The following EXT1 variants were observed in gnomAD, a reference collection of about 807,000 sequenced individuals.
The protein encoded by EXT1 is exostosin glycosyltransferase 1.
A neutral mutation model predicts 82.5 loss-of-function variants in EXT1; 20 were observed. The observed-to-expected ratio is 0.24, with a 90% CI of 0.17 to 0.35. The LOEUF is 0.35. Ranked by LOEUF, EXT1 falls within the 10% of genes least tolerant of loss-of-function variation. EXT1 has a pLI of 1.00. For synonymous variants in EXT1, 348 were observed against 350.8 expected (o/e 0.99, Z 0.09); for missense variants, 757 against 936.5 (o/e 0.81, Z 2.50).
chr8:118,072,982 T>C (rs963559948), intron 1 of EXT1, among the ~76,000 whole-genome samples: 7 of 152,078 alleles, frequency 4.6e-5, no homozygotes, highest in African/African-American at 1.4e-4. Flanking sequence ...ATTACCAAAT[T>C]TGAAAGAAGC....
intron 1 of EXT1, among the ~76,000 whole-genome samples, chr8:118,016,162 T>C (rs6469719): frequency 0.12 from 17,710 of 152,154 alleles, 3,470 homozygotes; most frequent in African/African-American, 0.4. Context: ...GAAGCCGAGG[T>C]GGGCAGATCA....
At chr8:117,996,967 T>C (rs1815550373) in intron 1 of EXT1, among the ~76,000 whole-genome samples, 1 of 152,212 alleles carries the variant, frequency 6.6e-6, no homozygotes, top group African/African-American at 2.4e-5. Flanking sequence ...AACACTTCTC[T>C]ATAATGTTAC....
At chr8:118,073,587 T>TCC (rs1312448699) in intron 1 of EXT1, among the ~76,000 whole-genome samples, 1 of 149,960 alleles carries the variant, frequency 6.7e-6, no homozygotes, top group East Asian at 2.0e-4. Flanking sequence ...GCCACTGCAC[T>TCC]CCAGCCTGGG....
chr8:117,981,698 C>T (rs1377610779), intron 1 of EXT1, among the ~76,000 whole-genome samples: 1 of 151,404 alleles, frequency 6.6e-6, no homozygotes, highest in African/African-American at 2.4e-5. Context: ...GGCGAAACCC[C>T]AGTTCTACTA....
intron 1 of EXT1, among the ~76,000 whole-genome samples, chr8:117,953,069 C>T (rs948663979): frequency 1.3e-5 from 2 of 152,076 alleles, no homozygotes; most frequent in African/African-American, 4.8e-5. Flanking sequence ...TTCACTTTCC[C>T]CACTGTGTCC....
intron 4 of EXT1, among the ~76,000 whole-genome samples, chr8:117,829,415 A>G (rs919058391): frequency 3.3e-4 from 50 of 151,954 alleles, no homozygotes; most frequent in African/African-American, 1.2e-3. Flanking sequence ...TCCTCTTAAC[A>G]CAACTTTGCC....
intron 1 of EXT1, among the ~76,000 whole-genome samples, chr8:117,936,342 T>A (rs1477618507): frequency 6.6e-6 from 1 of 152,226 alleles, no homozygotes; most frequent in Non-Finnish European, 1.5e-5. Flanking sequence ...ATGCACTTTG[T>A]GAGTCAAATA....
chr8:117,874,783 T>C (rs1041659499), intron 1 of EXT1, among the ~76,000 whole-genome samples: 35 of 152,102 alleles, frequency 2.3e-4, no homozygotes, highest in African/African-American at 8.2e-4. Flanking sequence ...CTAGTAAATA[T>C]ATTCCTTTTC....
chr8:118,069,258 G>A (rs1817045627), intron 1 of EXT1, among the ~76,000 whole-genome samples: 1 of 152,196 alleles, frequency 6.6e-6, no homozygotes, highest in South Asian at 2.1e-4. Context: ...TTTACATAAA[G>A]AGAGGCAACA....
intron 1 of EXT1, among the ~76,000 whole-genome samples, chr8:117,919,037 A>G (rs1298769764): frequency 6.6e-6 from 1 of 152,200 alleles, no homozygotes; most frequent in African/African-American, 2.4e-5. Flanking sequence ...GCAGAATTCA[A>G]TACAGCTTAC....
chr8:117,988,338 T>G (rs1465244135), intron 1 of EXT1, among the ~76,000 whole-genome samples: 1 of 152,196 alleles, frequency 6.6e-6, no homozygotes, highest in Non-Finnish European at 1.5e-5. Flanking sequence ...ATTCTCAAAA[T>G]TTAGAGCACA....
chr8:117,896,518 A>C (rs1445730485), intron 1 of EXT1, among the ~76,000 whole-genome samples: 1 of 152,170 alleles, frequency 6.6e-6, no homozygotes, highest in African/African-American at 2.4e-5. Flanking sequence ...ATTAGGCCCA[A>C]GGCCATTAAT....
intron 1 of EXT1, among the ~76,000 whole-genome samples, chr8:117,965,546 G>C (rs997272139): frequency 1.3e-5 from 2 of 151,876 alleles, no homozygotes; most frequent in African/African-American, 4.8e-5. Flanking sequence ...GATAAATATT[G>C]TGCAATTCAG....
chr8:118,022,353 T>TC (rs2129859942), intron 1 of EXT1, among the ~76,000 whole-genome samples: 1 of 132,546 alleles, frequency 7.5e-6, no homozygotes, highest in East Asian at 2.0e-4. Context: ...TTTTTTTTTT[T>TC]TTGAGATGGA....
intron 2 of EXT1, among the ~76,000 whole-genome samples, chr8:117,835,932 G>C (rs1051859359): frequency 6.6e-6 from 1 of 152,142 alleles, no homozygotes; most frequent in East Asian, 1.9e-4. Context: ...TCTGGTCAAC[G>C]TAACTCCCAC....
At chr8:118,052,629 T>G (rs1373736116) in intron 1 of EXT1, among the ~76,000 whole-genome samples, 1 of 152,206 alleles carries the variant, frequency 6.6e-6, no homozygotes, top group Non-Finnish European at 1.5e-5. Flanking sequence ...TGAAAAACTT[T>G]AAACCCCATT....
intron 1 of EXT1, among the ~76,000 whole-genome samples, chr8:117,856,060 A>G (rs145304688): frequency 1.3e-5 from 2 of 152,358 alleles, no homozygotes; most frequent in African/African-American, 4.8e-5. Context: ...TATGCCTCTC[A>G]TGCCAAACAG....
chr8:117,944,715 G>T (rs1437502991), intron 1 of EXT1, among the ~76,000 whole-genome samples: 1 of 152,098 alleles, frequency 6.6e-6, no homozygotes, highest in East Asian at 1.9e-4. Context: ...CATATTAAAA[G>T]AACAGGCAAT....
intron 1 of EXT1, among the ~76,000 whole-genome samples, chr8:118,052,832 C>T (rs771859284): frequency 5.3e-5 from 8 of 152,216 alleles, no homozygotes; most frequent in Admixed American, 1.3e-4. Context: ...GAAGGCAACA[C>T]AAGAGCTTAC....
Sources: gnomAD v4.1 joint callset for allele counts (sites outside exome capture counted in the v4.1 genomes callset) on GRCh38, gnomAD v4.1.1 for gene constraint, MANE v1.5 for transcripts, NCBI Gene and HGNC (gene_info 2026-07-23, HGNC 2026-07-21) for gene names.